CCDC57: variants seen among roughly 807,000 people sequenced by gnomAD.
CCDC57 encodes the protein coiled-coil domain containing 57, also known as coiled-coil domain-containing protein 57.
Under a neutral mutation model 118.9 loss-of-function variants are expected in CCDC57, and 118 were observed. The observed-to-expected ratio is 0.99, with a 90% CI of 0.86 to 1.16. The LOEUF (loss-of-function observed/expected upper bound fraction) is 1.16. Among genes scored for constraint, CCDC57 ranks in the 50% most tolerant of loss-of-function variants. The pLI is 0.00. For missense variants in CCDC57, 1,300 were observed against 1,320.7 expected, an observed-to-expected ratio of 0.98 and a Z score of 0.24; for synonymous variants, 527 against 532.9, an observed-to-expected ratio of 0.99 and a Z score of 0.15.
chr17:82,212,581 C>G lies in CCDC57; in HGVS notation c.-211+204G>C, dbSNP rs533511345. The stretch of plus-strand genomic sequence containing the variant: ...GCTCCCGCTCCACGCGGCCGCAACC[C>G]CCGCCCCGCCCCGCCGCAGCCTCCG... On this transcript the variant is annotated intron_variant, in intron 1 of 19. Coordinates refer to ENST00000665763, the Ensembl canonical transcript of CCDC57. The surrounding 1 kb of genome is among the most constrained non-coding windows in gnomAD (Gnocchi z 4.1). 0.01 allele frequency among the ~76,000 whole-genome samples: 1,546 copies of G among 152,036 alleles called. 32 individuals are homozygous for G. Among genetic ancestry groups the G allele is most frequent in the African/African-American group, 0.036 (1,487 of 41,522 alleles).
rs138287360 is a variant in CCDC57, at chr17:82,104,259, A to T, written c.2900-2393T>A. On this transcript the variant is annotated intron_variant, in intron 19 of 19. Transcript: ENST00000665763. ...GGGCTGACTGGGCCGCAGGGAAACC[A>T]TGTGGACACACAGTTTGCCGGGCAC... Among the ~76,000 whole-genome samples the T allele has an allele frequency of 4.7e-3, 723 of 152,316 alleles. 2 individuals carry two copies. Among genetic ancestry groups the T allele is most frequent in the Middle Eastern group, 0.01 (3 of 294 alleles).
Position 82,118,652 on chromosome 17 carries a change from G to A in CCDC57, c.2899+9040C>T, listed in dbSNP as rs550755372. 6.6e-6 allele frequency among the ~76,000 whole-genome samples: 1 copy of A among 152,248 alleles called. No individual in the cohort carries two copies. The highest frequency in any genetic ancestry group is 2.1e-4 in the South Asian group (1 of 4,822). On this transcript the variant is annotated intron_variant, in intron 19 of 19. Transcript: ENST00000665763. The surrounding 1 kb of genome is among the most constrained non-coding windows in gnomAD (Gnocchi z 4.7). ...TCAGAAGCAGGTATTTCTTTGGGGT[G>A]AGGTCAGACATCTGCCTGGGTGCTT...
At chr17:82,162,450 C>T (rs1002449433) in intron 14 of CCDC57, among the ~76,000 whole-genome samples, 1 of 152,240 alleles carries the variant, frequency 6.6e-6, no homozygotes, top group African/African-American at 2.4e-5. Context: ...ACCCGACCCC[C>T]AAAAGGCAAG....
At chr17:82,161,026 C>T (rs2043264773) in intron 14 of CCDC57, among the ~76,000 whole-genome samples, 1 of 151,942 alleles carries the variant, frequency 6.6e-6, no homozygotes, top group Non-Finnish European at 1.5e-5. Flanking sequence ...CCAATTAAAA[C>T]TGGGCAAGGG....
At chr17:82,191,933 A>G (rs905416570) in intron 7 of CCDC57, among the ~76,000 whole-genome samples, 1 of 151,330 alleles carries the variant, frequency 6.6e-6, no homozygotes, top group East Asian at 1.9e-4. Flanking sequence ...CTCCCAAAGT[A>G]CTAGGATTAT....
chr17:82,119,878 C>T (rs1041491353), intron 19 of CCDC57, among the ~76,000 whole-genome samples: 13 of 152,110 alleles, frequency 8.5e-5, no homozygotes, highest in African/African-American at 2.4e-4. Flanking sequence ...TCCAAAGAGC[C>T]GCATCCAGGG....
rs2037837836 is a variant in CCDC57 at position 82,128,572 on chromosome 17, G to T, written c.2603C>A (p.Ala868Asp). The stretch of plus-strand genomic sequence containing the variant: ...GTGCTTTCCCAAGTGTCTGGAAGGA[G>T]CCTCATCCTCGGCACTCTTGGCGTC... The change falls in exon 18 of 20, where the codon GCT becomes GAT. Residue 868 changes from alanine to aspartate, a missense_variant. By Grantham distance (126) the Ala-to-Asp change is moderately radical. Transcript: ENST00000665763. 7.6e-6 allele frequency: 12 copies of T among 1,570,478 alleles called. No homozygotes were observed. The highest frequency in any genetic ancestry group is 1.0e-5 in the Non-Finnish European group (12 of 1,156,622).
chr17:82,145,265 G>A (rs2040565797), intron 16 of CCDC57, among the ~76,000 whole-genome samples: 1 of 148,830 alleles, frequency 6.7e-6, no homozygotes, highest in African/African-American at 2.5e-5. Flanking sequence ...TTGACCTCAG[G>A]TGATCAGGCG....
At chr17:82,113,975 T>C (rs2035513082) in intron 19 of CCDC57, among the ~76,000 whole-genome samples, 3 of 152,174 alleles carry the variant, frequency 2.0e-5, no homozygotes, top group Admixed American at 2.0e-4. Flanking sequence ...CCCCCTTGCC[T>C]GCCCTGCAGC....
chr17:82,101,804 G>C, exon 20 of CCDC57: 2 of 1,604,066 alleles, frequency 1.2e-6, no homozygotes, highest in Non-Finnish European at 1.7e-6. Flanking sequence ...TTCATCCCTG[G>C]GGTGGCAATG....
At chr17:82,110,488 A>T (rs1020251740) in intron 19 of CCDC57, among the ~76,000 whole-genome samples, 3 of 152,156 alleles carry the variant, frequency 2.0e-5, no homozygotes, top group Non-Finnish European at 4.4e-5. Flanking sequence ...ATCAACGGGG[A>T]CTGGTTGGCT....
chr17:82,163,113 T>C (rs1599052545), intron 14 of CCDC57, 87 bp downstream of exon 13: 2 of 1,519,818 alleles, frequency 1.3e-6, no homozygotes, highest in Non-Finnish European at 1.8e-6. Context: ...TCACCTGGGG[T>C]CGCACCGGGC....
intron 8 of CCDC57, among the ~76,000 whole-genome samples, chr17:82,185,505 G>A (rs2046816903): frequency 6.7e-6 from 1 of 149,800 alleles, no homozygotes; most frequent in East Asian, 2.0e-4. Context: ...TGTAGTCCCA[G>A]CTACCTGGGA....
intron 19 of CCDC57, among the ~76,000 whole-genome samples, chr17:82,122,877 C>T (rs878864851): frequency 3.3e-5 from 5 of 152,180 alleles, no homozygotes; most frequent in Admixed American, 6.5e-5. Flanking sequence ...TTCATAAATA[C>T]GGCCTCTTTT....
intron 11 of CCDC57, among the ~76,000 whole-genome samples, chr17:82,174,616 G>T (rs1311040219): frequency 2.6e-5 from 4 of 152,152 alleles, no homozygotes; most frequent in Admixed American, 2.6e-4. Flanking sequence ...CACCAACAAC[G>T]TCTGAAGTTC....
At chr17:82,124,076 G>C (rs2037099826) in intron 19 of CCDC57, among the ~76,000 whole-genome samples, 1 of 152,090 alleles carries the variant, frequency 6.6e-6, no homozygotes, top group Admixed American at 6.6e-5. Context: ...GTGGTGGCGG[G>C]GGCTACCAAA....
At chr17:82,143,521 C>G (rs536756598) in intron 16 of CCDC57, among the ~76,000 whole-genome samples, 1 of 151,852 alleles carries the variant, frequency 6.6e-6, no homozygotes, top group Non-Finnish European at 1.5e-5. Flanking sequence ...ACACCCCACA[C>G]GCGCACACAC....
At chr17:82,148,503 A>G (rs545586315) in intron 16 of CCDC57, among the ~76,000 whole-genome samples, 6 of 46,994 alleles carry the variant, frequency 1.3e-4, no homozygotes, top group African/African-American at 1.7e-4. Flanking sequence ...GTGGGTGGAT[A>G]CATGGATGGG....
rs556146604 is a variant in CCDC57 at position 82,195,342 on chromosome 17, G to A, written c.539C>T (p.Ser180Leu). The change falls in exon 5 of 20, where the codon TCG becomes TTG. Residue 180 changes from serine (S) to leucine (L), a missense_variant. By Grantham distance (145) the Ser-to-Leu change is moderately radical. Coordinates refer to ENST00000665763, the Ensembl canonical transcript of CCDC57. ...TTCGTGCTCCCTCTTCCGCATTTTC[G>A]ATTCAAACTCCAGCAGCAGTTCCTG... is the stretch of plus-strand genomic sequence containing the variant. The A allele has an allele frequency of 8.8e-6, 14 of 1,597,278 alleles. No homozygotes were observed. The highest frequency in any genetic ancestry group is 1.6e-4 in the Middle Eastern group (1 of 6,076).
Sources: allele counts gnomAD v4.1 joint callset (sites outside exome capture counted in the v4.1 genomes callset), GRCh38; gene constraint gnomAD v4.1.1; non-coding constraint Gnocchi (gnomAD v3.1); transcripts MANE v1.5; gene names NCBI Gene and HGNC (gene_info 2026-07-23, HGNC 2026-07-21).